The following PRLR variants were observed in gnomAD, a reference collection of about 807,000 sequenced individuals.
PRLR encodes hPRL receptor.
PRLR carries 13 observed loss-of-function variants against 40.2 expected under a neutral mutation model. That is an observed-to-expected ratio of 0.32 (90% CI 0.21 to 0.51). The LOEUF is 0.51. Ranked by LOEUF, PRLR falls within the 20% of genes least tolerant of loss-of-function variation. The probability of loss-of-function intolerance (pLI) is 0.97; values close to 1 mark genes in which losing one functional copy is unlikely to be tolerated. For missense variants in PRLR, 656 were observed against 747.3 expected (o/e 0.88, Z 1.42); for synonymous variants, 269 against 278.7 (o/e 0.97, Z 0.35).
chr5:35,129,428 T>C (rs73075098), intron 1 of PRLR, among the ~76,000 whole-genome samples: 30,054 of 151,996 alleles, frequency 0.2, 6,640 homozygotes, highest in African/African-American at 0.55. Context: ...GCCAGATGAG[T>C]CACTGTGGAA....
intron 1 of PRLR, among the ~76,000 whole-genome samples, chr5:35,209,988 T>C (rs1226569010): frequency 6.6e-6 from 1 of 152,216 alleles, no homozygotes; most frequent in Non-Finnish European, 1.5e-5. Flanking sequence ...TTCCTCTTGC[T>C]CCTTGAGAGC....
intron 2 of PRLR, among the ~76,000 whole-genome samples, chr5:35,105,025 C>T (rs549995768): frequency 1.3e-5 from 2 of 152,182 alleles, no homozygotes; most frequent in Non-Finnish European, 2.9e-5. Flanking sequence ...ACGAAGTTTC[C>T]AGAGGAAGGC....
chr5:35,065,308 G>A lies in PRLR; in HGVS notation c.1650C>T (p.Ser550=), dbSNP rs764125168. Residue 550 remains serine (S), a synonymous_variant, in exon 10 of 10, where the codon TCC becomes TCT. Coordinates refer to ENST00000618457, the MANE Select transcript of PRLR (RefSeq NM_000949.7). ...CCAGGATGTTGTTATCCATGACCCC[G>A]GACACCTTGGCATACTCCTTATTGT... is the stretch of plus-strand genomic sequence containing the variant. ...PENNKEYAKV[S]GVMDNNILVL... is the part of the protein sequence containing the mutation. 6 of 1,613,966 alleles carry A rather than the reference G, an allele frequency of 3.7e-6. No homozygotes were observed. Among genetic ancestry groups the A allele is most frequent in the South Asian group, 2.2e-5 (2 of 91,086 alleles).
intron 1 of PRLR, among the ~76,000 whole-genome samples, chr5:35,219,645 T>A (rs1776368615): frequency 6.6e-6 from 1 of 152,204 alleles, no homozygotes; most frequent in African/African-American, 2.4e-5. Flanking sequence ...AATGCGAATG[T>A]GACCTTTCCA....
chr5:35,075,713 A>G (rs1219091718), intron 5 of PRLR, among the ~76,000 whole-genome samples: 2 of 152,206 alleles, frequency 1.3e-5, no homozygotes, highest in African/African-American at 2.4e-5. Context: ...ACAGAGTTTG[A>G]GATCTGAGAA....
chr5:35,091,063 C>T (rs557095863), intron 2 of PRLR, among the ~76,000 whole-genome samples: 3 of 152,192 alleles, frequency 2.0e-5, no homozygotes, highest in East Asian at 1.9e-4. Context: ...CCACCTGCCT[C>T]GGCCTCCCAA....
At chr5:35,137,006 T>A (rs1267162777) in intron 1 of PRLR, among the ~76,000 whole-genome samples, 1 of 150,918 alleles carries the variant, frequency 6.6e-6, no homozygotes, top group Non-Finnish European at 1.5e-5. Context: ...CAGAGGCAGA[T>A]GAGTAGAAGG....
intron 2 of PRLR, among the ~76,000 whole-genome samples, chr5:35,100,367 G>A (rs1234133963): frequency 6.6e-6 from 1 of 151,978 alleles, no homozygotes; most frequent in African/African-American, 2.4e-5. Flanking sequence ...ACATTCAGTC[G>A]CCACTCATTC....
chr5:35,082,936 T>C (rs1201162163), intron 5 of PRLR, among the ~76,000 whole-genome samples: 1 of 152,196 alleles, frequency 6.6e-6, no homozygotes, highest in Non-Finnish European at 1.5e-5. Context: ...TTTCTCTTTT[T>C]AAACATATTA....
chr5:35,144,956 C>T (rs1009584855), intron 1 of PRLR, among the ~76,000 whole-genome samples: 2 of 152,176 alleles, frequency 1.3e-5, no homozygotes, highest in Non-Finnish European at 2.9e-5. Context: ...AATGGGAACA[C>T]TGTGTCTCTC....
At chr5:35,213,637 G>T (rs1374774474) in intron 1 of PRLR, among the ~76,000 whole-genome samples, 1 of 152,100 alleles carries the variant, frequency 6.6e-6, no homozygotes, top group Non-Finnish European at 1.5e-5. Flanking sequence ...AACCAAAACT[G>T]AACAATGAAC....
At chr5:35,181,299 C>G (rs1260603181) in intron 1 of PRLR, among the ~76,000 whole-genome samples, 1 of 149,934 alleles carries the variant, frequency 6.7e-6, no homozygotes, top group African/African-American at 2.5e-5. Flanking sequence ...TTTACATTAA[C>G]TAGGCATTAG....
At position 35,118,165 on chromosome 5, in the gene PRLR, C is replaced by T. The variant is rs947331158; in HGVS notation, c.-105-43G>A. ...TCATTTTAGCTCCAAGATGACAAAA[C>T]GGGAGATTCCATTTCTGGCTCACTC... On this transcript the variant is annotated intron_variant, in intron 1 of 9. Coordinates refer to ENST00000618457, the MANE Select transcript of PRLR (RefSeq NM_000949.7). 2.9e-5 allele frequency: 27 copies of T among 939,422 alleles called. No homozygotes were observed. The Admixed American group carries it at 4.3e-4, about 15-fold the overall frequency. 58.2% of individuals were successfully genotyped at this position (939,422 alleles called of 1,614,324 possible).
intron 1 of PRLR, among the ~76,000 whole-genome samples, chr5:35,133,903 T>C (rs544684656): frequency 6.6e-6 from 1 of 152,302 alleles, no homozygotes; most frequent in South Asian, 2.1e-4. Context: ...CCTAGTCTTT[T>C]CAACCATGTT....
At chr5:35,196,690 G>A (rs1378564177) in intron 1 of PRLR, among the ~76,000 whole-genome samples, 1 of 152,238 alleles carries the variant, frequency 6.6e-6, no homozygotes, top group Non-Finnish European at 1.5e-5. Context: ...ACTCCAGTGT[G>A]TTTGCAAACT....
rs939955725 is a variant in PRLR, at chr5:35,102,485, C to T, written c.-43-12822G>A. Among the ~76,000 whole-genome samples the T allele has an allele frequency of 6.2e-5, 9 of 145,584 alleles. No homozygotes were observed. In the Middle Eastern group the frequency reaches 0.014, roughly 233 times the overall value. The stretch of plus-strand genomic sequence containing the variant: ...TGTCCCATCCCGTCCCGTCCCGTCC[C>T]GTCTCCTCTCCACTCCTCTCCTCTC... On this transcript the variant is annotated intron_variant, in intron 2 of 9. Transcript: ENST00000618457.
At position 35,186,226 on chromosome 5, in the gene PRLR, C is replaced by T. The variant is rs914555277; in HGVS notation, c.-106+44042G>A. Among the ~76,000 whole-genome samples, 7 of 152,040 alleles carry T rather than the reference C, an allele frequency of 4.6e-5. No individual in the cohort carries two copies. In the South Asian group the frequency reaches 1.2e-3, roughly 27 times the overall value. ...GGACAATATTTGGGATATATTGAAA[C>T]AAATAAGATCTATTAAAATGAATTG... On this transcript the variant is annotated intron_variant, in intron 1 of 9. Coordinates refer to ENST00000618457, the MANE Select transcript of PRLR (RefSeq NM_000949.7).
At chr5:35,181,015 A>C (rs1053155411) in intron 1 of PRLR, among the ~76,000 whole-genome samples, 6 of 152,188 alleles carry the variant, frequency 3.9e-5, no homozygotes, top group Admixed American at 2.6e-4. Flanking sequence ...AGTTGTACAT[A>C]GTAGGTATTT....
At chr5:35,137,150 C>T (rs1204568072) in intron 1 of PRLR, among the ~76,000 whole-genome samples, 5 of 152,106 alleles carry the variant, frequency 3.3e-5, no homozygotes, top group South Asian at 2.1e-4. Context: ...ATCCTTACAG[C>T]GACTCAGAGA....
Sources: allele counts gnomAD v4.1 joint callset (sites outside exome capture counted in the v4.1 genomes callset), GRCh38; gene constraint gnomAD v4.1.1; transcripts MANE v1.5; gene names NCBI Gene and HGNC (gene_info 2026-07-23, HGNC 2026-07-21).